Variants in DRC2 observed in about 807,000 individuals in gnomAD.
DRC2 encodes dynein regulatory complex subunit 2.
At chr12:48,916,965 T>TC in the DRC2 span, 1 of 1,613,120 alleles carries the variant, frequency 6.2e-7, no homozygotes, top group Non-Finnish European at 8.5e-7. Context: ...TCTTGTCTCC[T>TC]ACAGGAAGAC....
At chr12:48,905,529 C>A in the DRC2 span, among the ~76,000 whole-genome samples, 2 of 152,198 alleles carry the variant, frequency 1.3e-5, no homozygotes, top group African/African-American at 4.8e-5. Flanking sequence ...CTCCATTCAA[C>A]TAAATTGTTT....
chr12:48,909,541 G>A, the DRC2 span, among the ~76,000 whole-genome samples: 4 of 151,660 alleles, frequency 2.6e-5, no homozygotes, highest in East Asian at 2.0e-4. Context: ...GCAGTGGAGC[G>A]ATCTTGGCTC....
chr12:48,920,668 T>C, the DRC2 span, among the ~76,000 whole-genome samples: 5 of 151,688 alleles, frequency 3.3e-5, no homozygotes, highest in East Asian at 7.9e-4. Flanking sequence ...ACTGTAGGCA[T>C]GTGCTACCAT....
At chr12:48,919,497 T>A in the DRC2 span, among the ~76,000 whole-genome samples, 5 of 150,388 alleles carry the variant, frequency 3.3e-5, no homozygotes, top group African/African-American at 9.8e-5. Flanking sequence ...TGCGTTGAGC[T>A]CCCCCTTACA....
At chr12:48,920,441 T>TTTTAAAAAAAAAAA in the DRC2 span, among the ~76,000 whole-genome samples, 1 of 67,816 alleles carries the variant, frequency 1.5e-5, no homozygotes, top group Non-Finnish European at 2.6e-5. Context: ...AACTCCATCT[T>TTTTAAAAAAAAAAA]AAAAAAAAAA....
the DRC2 span, chr12:48,918,952 C>T: frequency 6.8e-7 from 1 of 1,460,898 alleles, no homozygotes; most frequent in Non-Finnish European, 9.5e-7. Flanking sequence ...AACCTGCCTC[C>T]CTGCAAAGTG....
chr12:48,920,623 G>A, the DRC2 span, among the ~76,000 whole-genome samples: 1 of 150,744 alleles, frequency 6.6e-6, no homozygotes, highest in African/African-American at 2.4e-5. Context: ...CTGGGCTCAA[G>A]TGATCCTTCC....
the DRC2 span, chr12:48,917,170 G>A: frequency 6.3e-7 from 1 of 1,592,890 alleles, no homozygotes; most frequent in African/African-American, 1.3e-5. Context: ...GCTCAAGGAG[G>A]CTGGGCACAG....
At chr12:48,909,037 CTTTTTTTTTTTTT>C in the DRC2 span, among the ~76,000 whole-genome samples, 1 of 82,370 alleles carries the variant, frequency 1.2e-5, no homozygotes, top group Admixed American at 1.7e-4. Flanking sequence ...TTTTCTTTCT[CTTTTTTTTTTTTT>C]TTTTTTTTTT....
chr12:48,908,349 G>A, the DRC2 span, among the ~76,000 whole-genome samples: 175 of 151,762 alleles, frequency 1.2e-3, 2 homozygotes, highest in African/African-American at 4.1e-3. Context: ...CACTGGGCTC[G>A]GTCCATCCTA....
At chr12:48,908,010 A>G in the DRC2 span, among the ~76,000 whole-genome samples, 3 of 152,120 alleles carry the variant, frequency 2.0e-5, no homozygotes, top group Admixed American at 6.6e-5. Flanking sequence ...CAGTAGCACA[A>G]TCATAGCTCA....
chr12:48,914,698 C>T, the DRC2 span: 1 of 820,330 alleles, frequency 1.2e-6, no homozygotes, highest in Non-Finnish European at 1.9e-6. Flanking sequence ...TCACGGGACC[C>T]CCAGCAGAGA....
the DRC2 span, chr12:48,916,924 A>G: frequency 2.5e-6 from 4 of 1,590,320 alleles, no homozygotes; most frequent in East Asian, 6.7e-5. Context: ...TTATTGGTCA[A>G]TATCCTGTAT....
the DRC2 span, chr12:48,914,619 C>T: frequency 1.3e-6 from 2 of 1,585,280 alleles, no homozygotes; most frequent in South Asian, 2.3e-5. Flanking sequence ...CAGGGGAGTG[C>T]CCAGAGTCCG....
At chr12:48,914,340 A>G in the DRC2 span, 1 of 1,477,578 alleles carries the variant, frequency 6.8e-7, no homozygotes, top group Non-Finnish European at 9.1e-7. Context: ...CCAGCTGAAT[A>G]TATTTTTATT....
chr12:48,921,066 C>CT, the DRC2 span: 1 of 1,611,730 alleles, frequency 6.2e-7, no homozygotes, highest in Non-Finnish European at 8.5e-7. Context: ...GAAGAGCTTA[C>CT]TGAGGAGCTC....
chr12:48,906,091 C>T, the DRC2 span, among the ~76,000 whole-genome samples: 1 of 152,076 alleles, frequency 6.6e-6, no homozygotes, highest in African/African-American at 2.4e-5. Flanking sequence ...CCATTTTCAA[C>T]AAAACAAAGC....
At chr12:48,919,905 G>C in the DRC2 span, among the ~76,000 whole-genome samples, 1 of 151,650 alleles carries the variant, frequency 6.6e-6, no homozygotes, top group Non-Finnish European at 1.5e-5. Context: ...AGGATTGCTT[G>C]AGCCCAAGAG....
chr12:48,916,484 C>T, the DRC2 span, among the ~76,000 whole-genome samples: 1 of 151,542 alleles, frequency 6.6e-6, no homozygotes, highest in Non-Finnish European at 1.5e-5. Flanking sequence ...CCTGCAATCG[C>T]AGGCACTCGG....
Sources: gnomAD v4.1 joint callset for allele counts (sites outside exome capture counted in the v4.1 genomes callset) on GRCh38, gnomAD v4.1.1 for gene constraint, MANE v1.5 for transcripts, NCBI Gene and HGNC (gene_info 2026-07-23, HGNC 2026-07-21) for gene names.